ADCY1: variants seen among roughly 807,000 people sequenced by gnomAD.
ADCY1 encodes adenylate cyclase 1.
In ADCY1, 28 loss-of-function variants were observed where a neutral mutation model predicts 105.4. The ratio of observed to expected loss-of-function variants is 0.27; its 90% confidence interval spans 0.20 to 0.36. The LOEUF (loss-of-function observed/expected upper bound fraction) is 0.36. ADCY1 is among the 10% of genes least tolerant of loss of function. The pLI is 1.00. For synonymous variants in ADCY1, 655 were observed against 623.8 expected, an observed-to-expected ratio of 1.05 and a Z score of -0.75; for missense variants, 977 against 1,434.2, an observed-to-expected ratio of 0.68 and a Z score of 5.15.
At chr7:45,651,072 G>A (rs78658276) in intron 5 of ADCY1, among the ~76,000 whole-genome samples, 2,122 of 152,198 alleles carry the variant, frequency 0.014, 49 homozygotes, top group African/African-American at 0.048. Context: ...AGTGCCAGGG[G>A]CATCTTCCTG....
chr7:45,648,029 G>T (rs896625165), intron 4 of ADCY1, among the ~76,000 whole-genome samples: 2 of 152,202 alleles, frequency 1.3e-5, no homozygotes, highest in Admixed American at 6.5e-5. Context: ...GACAATACAG[G>T]GTCTTAGAGT....
chr7:45,590,218 A>AC (rs533840293), intron 1 of ADCY1, among the ~76,000 whole-genome samples: 62 of 151,562 alleles, frequency 4.1e-4, no homozygotes, highest in African/African-American at 1.2e-3. Context: ...CTATGTCCCC[A>AC]CCCCCCCATG....
At chr7:45,616,376 A>T (rs562398802) in intron 3 of ADCY1, among the ~76,000 whole-genome samples, 1 of 152,206 alleles carries the variant, frequency 6.6e-6, no homozygotes, top group African/African-American at 2.4e-5. Flanking sequence ...AAAAGAAATT[A>T]TGGGCAAATA....
intron 2 of ADCY1, among the ~76,000 whole-genome samples, chr7:45,596,660 T>G (rs1793081628): frequency 6.6e-6 from 1 of 151,976 alleles, no homozygotes; most frequent in Non-Finnish European, 1.5e-5. Flanking sequence ...GGGGGCTGAG[T>G]GAGGTCAAGT....
intron 3 of ADCY1, among the ~76,000 whole-genome samples, chr7:45,618,665 G>C (rs932415798): frequency 2.0e-5 from 3 of 152,114 alleles, no homozygotes; most frequent in African/African-American, 7.2e-5. Context: ...ACCACAATGA[G>C]AATCATCTCA....
intron 2 of ADCY1, among the ~76,000 whole-genome samples, chr7:45,609,953 G>C (rs190016793): frequency 4.2e-4 from 64 of 152,350 alleles, no homozygotes; most frequent in Admixed American, 2.2e-3. Flanking sequence ...GCCTATCTGT[G>C]TAAGAACAAG....
chr7:45,588,934 A>G (rs1199323896), intron 1 of ADCY1, among the ~76,000 whole-genome samples: 2 of 151,790 alleles, frequency 1.3e-5, no homozygotes, highest in African/African-American at 4.8e-5. Context: ...CTGGCACTGC[A>G]TGGTGCTCCA....
At chr7:45,600,684 G>C (rs1793206510) in intron 2 of ADCY1, among the ~76,000 whole-genome samples, 1 of 152,326 alleles carries the variant, frequency 6.6e-6, no homozygotes, top group East Asian at 1.9e-4. Flanking sequence ...TTTCCTCACA[G>C]TTCTGGAGGC....
chr7:45,698,388 T>A (rs1428923639), intron 14 of ADCY1, among the ~76,000 whole-genome samples: 1 of 152,248 alleles, frequency 6.6e-6, no homozygotes, highest in Non-Finnish European at 1.5e-5. Flanking sequence ...GTAAATCACA[T>A]TTCTCCTCAT....
chr7:45,658,497 A>G (rs1015197507), intron 6 of ADCY1, among the ~76,000 whole-genome samples: 2 of 152,108 alleles, frequency 1.3e-5, no homozygotes, highest in Non-Finnish European at 2.9e-5. Flanking sequence ...CGCAGTGGCT[A>G]TCATGGCAGG....
chr7:45,617,837 A>G (rs946432638), intron 3 of ADCY1, among the ~76,000 whole-genome samples: 33 of 152,228 alleles, frequency 2.2e-4, no homozygotes, highest in African/African-American at 7.5e-4. Flanking sequence ...TGCAATCTCT[A>G]TCAAAGTATC....
chr7:45,641,582 T>TGAAA (rs1220168205), intron 4 of ADCY1, among the ~76,000 whole-genome samples: 1 of 152,246 alleles, frequency 6.6e-6, no homozygotes, highest in Middle Eastern at 3.4e-3. Flanking sequence ...CTGATGAAAG[T>TGAAA]TACATCATCT....
chr7:45,668,846 G>T (rs1343181311), intron 8 of ADCY1, among the ~76,000 whole-genome samples: 1 of 152,040 alleles, frequency 6.6e-6, no homozygotes, highest in Non-Finnish European at 1.5e-5. Flanking sequence ...ACTTCTTCCT[G>T]GTTTAGTCTT....
intron 8 of ADCY1, chr7:45,664,334 T>C (rs1429986500): frequency 1.3e-6 from 2 of 1,535,946 alleles, no homozygotes; most frequent in Admixed American, 3.9e-5. Context: ...CCTCCTGGGG[T>C]TTTGGTCTCC....
At chr7:45,679,866 C>T (rs1584326920) in intron 11 of ADCY1, 73 bp downstream of exon 11, 4 of 1,526,056 alleles carry the variant, frequency 2.6e-6, no homozygotes, top group East Asian at 4.5e-5. Flanking sequence ...TATCCTGCAC[C>T]TGCATATCAC....
chr7:45,709,077 C>G (rs998920789), intron 18 of ADCY1, among the ~76,000 whole-genome samples: 1 of 152,050 alleles, frequency 6.6e-6, no homozygotes, highest in South Asian at 2.1e-4. Flanking sequence ...TGGTTGTTTT[C>G]GAATTCAAAC....
intron 3 of ADCY1, among the ~76,000 whole-genome samples, chr7:45,610,703 G>A (rs1475599796): frequency 7.6e-5 from 9 of 118,914 alleles, no homozygotes; most frequent in South Asian, 2.9e-4. Flanking sequence ...TGATAGTGGA[G>A]GTGATGGTGG....
chr7:45,598,802 T>C (rs1793142383), intron 2 of ADCY1, among the ~76,000 whole-genome samples: 1 of 152,210 alleles, frequency 6.6e-6, no homozygotes, highest in Non-Finnish European at 1.5e-5. Flanking sequence ...AGTCACAGCA[T>C]AGAAAGCTCG....
chr7:45,703,310 T>G lies in ADCY1; in HGVS notation c.2455-66T>G, dbSNP rs544249412. ...TCCAGTTTGGATGATTAGAAGGAAG[T>G]GTGCGGTGGGAACAAGTGAAGGCAG... is the stretch of plus-strand genomic sequence containing the variant. On this transcript the variant is annotated intron_variant, in intron 14 of 19. Coordinates refer to ENST00000297323, the MANE Select transcript of ADCY1 (RefSeq NM_021116.4). The surrounding 1 kb of genome is among the most constrained non-coding windows in gnomAD (Gnocchi z 5.9). 4.6e-5 allele frequency: 67 copies of G among 1,465,158 alleles called. No homozygotes were observed. The East Asian group carries it at 1.4e-3, about 31-fold the overall frequency. The allele number at this position is 1,465,158 out of a possible 1,614,324, so 90.8% of individuals were successfully genotyped here.
Sources: gnomAD v4.1 joint callset for allele counts (sites outside exome capture counted in the v4.1 genomes callset) on GRCh38, gnomAD v4.1.1 for gene constraint, Gnocchi (gnomAD v3.1) non-coding constraint, MANE v1.5 for transcripts, NCBI Gene and HGNC (gene_info 2026-07-23, HGNC 2026-07-21) for gene names.